FEM1C: variants seen among roughly 807,000 people sequenced by gnomAD.
FEM1C encodes the protein fem-1 homolog C.
A neutral mutation model predicts 37.6 loss-of-function variants in FEM1C; 15 were observed. That is an observed-to-expected ratio of 0.40 (90% confidence interval 0.27 to 0.61). FEM1C has a LOEUF of 0.61. FEM1C is among the 20% of genes least tolerant of loss of function. The probability of loss-of-function intolerance (pLI) is 0.42; values close to 1 mark genes in which losing one functional copy is unlikely to be tolerated. For synonymous variants in FEM1C, 287 were observed against 272.8 expected, an observed-to-expected ratio of 1.05 and a Z score of -0.51; for missense variants, 532 against 749.7, an observed-to-expected ratio of 0.71 and a Z score of 3.39.
intron 2 of FEM1C, among the ~76,000 whole-genome samples, chr5:115,540,496 G>A (rs573252625): frequency 6.6e-6 from 1 of 151,920 alleles, no homozygotes; most frequent in East Asian, 1.9e-4. Context: ...CTGATACTGG[G>A]GAAAAAAATG....
intron 2 of FEM1C, among the ~76,000 whole-genome samples, chr5:115,526,134 T>G (rs2127169225): frequency 6.6e-6 from 1 of 152,256 alleles, no homozygotes; most frequent in South Asian, 2.1e-4. Flanking sequence ...GTGCTGGGAT[T>G]GCAGGTGTGA....
rs561897585 is a variant in FEM1C, at chr5:115,540,568, T to C, written c.544+2382A>G. The stretch of plus-strand genomic sequence containing the variant: ...TACCCTCACATATAAGGCTAAAAGA[T>C]GATAGTGGTGATAAAGGGAACATTG... On this transcript the variant is annotated intron_variant, in intron 2 of 2. Coordinates refer to ENST00000274457, the MANE Select transcript of FEM1C (RefSeq NM_020177.3). 3.9e-4 allele frequency among the ~76,000 whole-genome samples: 59 copies of C among 152,094 alleles called. No individual in the cohort carries two copies. The East Asian group carries it at 6.8e-3, about 17-fold the overall frequency.
rs1257677710 is a variant in FEM1C, at chr5:115,526,208, T to C, written c.545-591A>G. Among the ~76,000 whole-genome samples the C allele has an allele frequency of 2.0e-5, 3 of 152,120 alleles. No homozygotes were observed. The East Asian group carries it at 5.8e-4, about 29-fold the overall frequency. ...AGATTCTTCATTTTGACTCTAATAG[T>C]AGTCAGAAATTATTTTTTCAATATT... On this transcript the variant is annotated intron_variant, in intron 2 of 2. Transcript: ENST00000274457.
chr5:115,528,928 T>C (rs1011706727), intron 2 of FEM1C, among the ~76,000 whole-genome samples: 1 of 152,032 alleles, frequency 6.6e-6, no homozygotes, highest in Non-Finnish European at 1.5e-5. Flanking sequence ...GGTGAGTGGC[T>C]TTAAAAGTGG....
intron 2 of FEM1C, among the ~76,000 whole-genome samples, chr5:115,541,772 AAAAT>A (rs558244314): frequency 2.6e-4 from 40 of 152,286 alleles, no homozygotes; most frequent in South Asian, 1.0e-3. Context: ...CAAGGTTAGA[AAAAT>A]AAATAAAGAT....
At chr5:115,527,948 C>T (rs1415705918) in intron 2 of FEM1C, among the ~76,000 whole-genome samples, 1 of 127,936 alleles carries the variant, frequency 7.8e-6, no homozygotes, top group African/African-American at 3.1e-5. Flanking sequence ...TTGCAGTAAG[C>T]AGAGATCATG....
At chr5:115,542,250 A>G (rs1289679947) in intron 2 of FEM1C, among the ~76,000 whole-genome samples, 1 of 152,204 alleles carries the variant, frequency 6.6e-6, no homozygotes, top group East Asian at 1.9e-4. Context: ...TTCTGGACAA[A>G]GGTGTTTACA....
At position 115,531,149 on chromosome 5, in the gene FEM1C, T is replaced by A. The variant is rs187973292; in HGVS notation, c.545-5532A>T. 3.6e-3 allele frequency among the ~76,000 whole-genome samples: 548 copies of A among 152,212 alleles called. 2 individuals carry two copies. Among genetic ancestry groups the A allele is most frequent in the African/African-American group, 0.013 (526 of 41,556 alleles). ...TCCTGTCTCCCAACTGCCAATTCAG[T>A]GTACTACTCATTTCTAAGGTCATAT... On this transcript the variant is annotated intron_variant, in intron 2 of 2. Transcript: ENST00000274457.
chr5:115,532,144 AAT>A (rs1323592402), intron 2 of FEM1C, among the ~76,000 whole-genome samples: 3 of 152,218 alleles, frequency 2.0e-5, no homozygotes, highest in African/African-American at 7.2e-5. Flanking sequence ...CTGGTGAATA[AAT>A]ATATGAGTCA....
chr5:115,539,348 A>T (rs1288864254), intron 2 of FEM1C, among the ~76,000 whole-genome samples: 2 of 152,088 alleles, frequency 1.3e-5, no homozygotes, highest in African/African-American at 4.8e-5. Context: ...ACCCCAAAAC[A>T]CAAACAAAAG....
At chr5:115,533,626 C>T (rs1032850421) in intron 2 of FEM1C, among the ~76,000 whole-genome samples, 2 of 151,914 alleles carry the variant, frequency 1.3e-5, no homozygotes, top group Non-Finnish European at 2.9e-5. Context: ...CTGGGTTACA[C>T]AGGCCCTTTA....
intron 2 of FEM1C, among the ~76,000 whole-genome samples, chr5:115,540,375 T>C (rs1754214756): frequency 6.6e-6 from 1 of 152,104 alleles, no homozygotes. Context: ...AGTGACAATA[T>C]CTATATGCAT....
chr5:115,529,988 A>G (rs948380274), intron 2 of FEM1C, among the ~76,000 whole-genome samples: 1 of 152,058 alleles, frequency 6.6e-6, no homozygotes, highest in Admixed American at 6.6e-5. Context: ...AAAATCCAAA[A>G]ATATCAGTAA....
chr5:115,526,588 T>C (rs1753899544), intron 2 of FEM1C, among the ~76,000 whole-genome samples: 1 of 152,296 alleles, frequency 6.6e-6, no homozygotes, highest in African/African-American at 2.4e-5. Flanking sequence ...AGTTTAATGA[T>C]AAACATTTTA....
rs1241478796 is a variant in FEM1C at position 115,522,027 on chromosome 5, T to A, written c.*2281A>T. 1 of 151,890 alleles carries A rather than the reference T, an allele frequency of 6.6e-6. No homozygotes were observed. The highest frequency in any genetic ancestry group is 2.4e-5 in the African/African-American group (1 of 41,412). 9.4% of individuals were successfully genotyped at this position (151,890 alleles called of 1,614,324 possible). The stretch of plus-strand genomic sequence containing the variant: ...TTTTTACTGGTGCAAAAATGCTATT[T>A]AAAGAAATCCTTACTTTACACAGGA... On this transcript the variant is annotated 3_prime_UTR_variant, in exon 3 of 3. Transcript: ENST00000274457.
rs1159940085 is a variant in FEM1C, at chr5:115,523,110, A to G, written c.*1198T>C. The stretch of plus-strand genomic sequence containing the variant: ...GAGACCAAAGTAATCAAAGTAATTC[A>G]TGCAAGTTATCTTTAAAGGTATACA... On this transcript the variant is annotated 3_prime_UTR_variant, in exon 3 of 3. Coordinates refer to ENST00000274457, the MANE Select transcript of FEM1C (RefSeq NM_020177.3). The G allele has an allele frequency of 2.0e-5, 3 of 152,412 alleles. No individual in the cohort carries two copies. The highest frequency in any genetic ancestry group is 4.4e-5 in the Non-Finnish European group (3 of 67,936). The allele number at this position is 152,412 out of a possible 1,614,324, so 9.4% of individuals were successfully genotyped here. A position where few individuals can be genotyped will look rare whatever the true frequency, so the allele number is the denominator to read the frequency against.
rs1267965152 is a variant in FEM1C at position 115,524,266 on chromosome 5, T to C, written c.*42A>G. On this transcript the variant is annotated 3_prime_UTR_variant, in exon 3 of 3. Coordinates refer to ENST00000274457, the MANE Select transcript of FEM1C (RefSeq NM_020177.3). Reference sequence around the variant, plus strand: ...CAGTGCTCATTTATGAAACAACTGTTACCAATTCGTGCTTTAACAGTGCTA... The same window carrying C: ...CAGTGCTCATTTATGAAACAACTGTCACCAATTCGTGCTTTAACAGTGCTA... 1.3e-6 allele frequency: 2 copies of C among 1,524,446 alleles called. No individual in the cohort carries two copies. The highest frequency in any genetic ancestry group is 1.7e-5 in the Admixed American group (1 of 58,886). The allele number at this position is 1,524,446 out of a possible 1,614,324, so 94.4% of individuals were successfully genotyped here. A position where few individuals can be genotyped will look rare whatever the true frequency, so the allele number is the denominator to read the frequency against.
At chr5:115,527,669 C>T (rs950269202) in intron 2 of FEM1C, among the ~76,000 whole-genome samples, 1 of 151,844 alleles carries the variant, frequency 6.6e-6, no homozygotes, top group African/African-American at 2.4e-5. Context: ...TTAGATGGCA[C>T]TTTTCTCTAT....
chr5:115,532,779 C>T (rs1034179042), intron 2 of FEM1C, among the ~76,000 whole-genome samples: 1 of 151,946 alleles, frequency 6.6e-6, no homozygotes, highest in Non-Finnish European at 1.5e-5. Context: ...AGCAAGGGAG[C>T]AAGTCATACA....
Sources: gnomAD v4.1 joint callset for allele counts (sites outside exome capture counted in the v4.1 genomes callset) on GRCh38, gnomAD v4.1.1 for gene constraint, MANE v1.5 for transcripts, NCBI Gene and HGNC (gene_info 2026-07-23, HGNC 2026-07-21) for gene names.